Variants in ZCCHC7 observed in about 807,000 individuals in gnomAD.
ZCCHC7 encodes zinc finger CCHC-type containing 7.
In ZCCHC7, 35 loss-of-function variants were observed where a neutral mutation model predicts 52.0. The observed-to-expected ratio is 0.67, with a 90% CI of 0.51 to 0.89. The LOEUF (loss-of-function observed/expected upper bound fraction) is 0.89, where lower values mean the gene tolerates loss of function less well. Ranked by LOEUF, ZCCHC7 falls within the 40% of genes least tolerant of loss-of-function variation. The pLI is 0.00. For missense variants in ZCCHC7, 574 were observed against 649.1 expected (o/e 0.88, Z 1.26); for synonymous variants, 217 against 221.5 (o/e 0.98, Z 0.18).
intron 2 of ZCCHC7, among the ~76,000 whole-genome samples, chr9:37,129,958 G>T (rs2132703516): frequency 6.6e-6 from 1 of 152,296 alleles, no homozygotes; most frequent in East Asian, 1.9e-4. Context: ...TAAGTTTTAG[G>T]CCGAGAGCAG....
intron 5 of ZCCHC7, among the ~76,000 whole-genome samples, chr9:37,324,919 A>T (rs1039675965): frequency 1.2e-4 from 18 of 152,296 alleles, no homozygotes; most frequent in African/African-American, 4.3e-4. Context: ...GGGCTGTTTA[A>T]GATTGAGTGT....
At chr9:37,307,528 T>G (rs77462287) in intron 5 of ZCCHC7, among the ~76,000 whole-genome samples, 1,784 of 152,280 alleles carry the variant, frequency 0.012, 33 homozygotes, top group African/African-American at 0.041. Context: ...ACTTACCTAT[T>G]TTTTAAAATA....
At chr9:37,250,320 A>G (rs1476414824) in intron 2 of ZCCHC7, among the ~76,000 whole-genome samples, 5 of 82,724 alleles carry the variant, frequency 6.0e-5, no homozygotes, top group African/African-American at 9.5e-5. Context: ...TTTTTTTTTG[A>G]GATGGAGTTT....
intron 2 of ZCCHC7, among the ~76,000 whole-genome samples, chr9:37,196,834 A>T (rs969260128): frequency 4.6e-5 from 7 of 152,154 alleles, no homozygotes; most frequent in Non-Finnish European, 8.8e-5. Context: ...AATATCTAGG[A>T]TATTGTTTTA....
chr9:37,209,261 C>T (rs1481088881), intron 2 of ZCCHC7, among the ~76,000 whole-genome samples: 3 of 152,148 alleles, frequency 2.0e-5, no homozygotes, highest in East Asian at 3.9e-4. Flanking sequence ...AGGATGGTCT[C>T]GATCTCCTGA....
At chr9:37,172,407 T>TC (rs954553653) in intron 2 of ZCCHC7, among the ~76,000 whole-genome samples, 2 of 152,194 alleles carry the variant, frequency 1.3e-5, no homozygotes, top group African/African-American at 4.8e-5. Context: ...ACATTCACTT[T>TC]CCCCCCATTG....
At chr9:37,297,160 A>G (rs1046274783) in intron 2 of ZCCHC7, among the ~76,000 whole-genome samples, 5 of 152,172 alleles carry the variant, frequency 3.3e-5, no homozygotes, top group African/African-American at 1.2e-4. Flanking sequence ...CCCAAATAAT[A>G]TATACTTTTT....
chr9:37,267,630 C>T (rs1827177383), intron 2 of ZCCHC7, among the ~76,000 whole-genome samples: 2 of 144,438 alleles, frequency 1.4e-5, no homozygotes, highest in South Asian at 4.4e-4. Flanking sequence ...AGTGCCGTGG[C>T]ATGATCTCGG....
chr9:37,122,394 T>A (rs1842353761), intron 1 of ZCCHC7, among the ~76,000 whole-genome samples: 1 of 152,262 alleles, frequency 6.6e-6, no homozygotes, highest in South Asian at 2.1e-4. Context: ...TATTTTAAGA[T>A]GTTATATAGG....
Position 37,223,158 on chromosome 9 carries a change from A to T in ZCCHC7, c.611-79030A>T, listed in dbSNP as rs58545984. ...CCTGCTACGCAAGGAACAGTTTAAA[A>T]AAAAAAGTCTTAAATGTAATAGATA... On this transcript the variant is annotated intron_variant, in intron 2 of 8. Coordinates refer to ENST00000336755, the MANE Select transcript of ZCCHC7 (RefSeq NM_032226.3). 3.3e-3 allele frequency among the ~76,000 whole-genome samples: 495 copies of T among 152,274 alleles called. 1 individual carries two copies. Among genetic ancestry groups the T allele is most frequent in the African/African-American group, 0.011 (468 of 41,570 alleles).
intron 2 of ZCCHC7, among the ~76,000 whole-genome samples, chr9:37,139,540 C>T (rs1003782182): frequency 2.0e-5 from 3 of 151,938 alleles, no homozygotes; most frequent in Admixed American, 2.0e-4. Flanking sequence ...AAATGTATAG[C>T]TTTTATTTCT....
intron 2 of ZCCHC7, among the ~76,000 whole-genome samples, chr9:37,273,376 G>A (rs1031929965): frequency 2.6e-4 from 39 of 152,236 alleles, no homozygotes; most frequent in Middle Eastern, 3.4e-3. Context: ...GGTGGCGGGT[G>A]CCTGTAGTCC....
At chr9:37,341,433 T>A (rs888550105) in intron 6 of ZCCHC7, among the ~76,000 whole-genome samples, 3 of 152,198 alleles carry the variant, frequency 2.0e-5, no homozygotes, top group Non-Finnish European at 4.4e-5. Flanking sequence ...TTTACTGAAC[T>A]ACTACTATAT....
intron 2 of ZCCHC7, among the ~76,000 whole-genome samples, chr9:37,163,657 CTT>C (rs1461035823): frequency 6.6e-6 from 1 of 152,116 alleles, no homozygotes; most frequent in Admixed American, 6.5e-5. Context: ...TTAATAGTGT[CTT>C]TTGAAGAGCA....
chr9:37,130,769 T>G (rs542881300), intron 2 of ZCCHC7, among the ~76,000 whole-genome samples: 98 of 151,964 alleles, frequency 6.4e-4, no homozygotes, highest in African/African-American at 2.2e-3. Flanking sequence ...GTGCTGGGAT[T>G]ACAGGCGTGA....
chr9:37,335,771 A>G (rs1321290521), intron 6 of ZCCHC7, among the ~76,000 whole-genome samples: 3 of 152,118 alleles, frequency 2.0e-5, no homozygotes, highest in African/African-American at 7.2e-5. Flanking sequence ...CTCAGTTTTC[A>G]TTTTCTAATT....
intron 5 of ZCCHC7, among the ~76,000 whole-genome samples, chr9:37,309,326 G>A (rs1829485721): frequency 6.6e-6 from 1 of 152,070 alleles, no homozygotes; most frequent in East Asian, 1.9e-4. Context: ...ACATGCTTTA[G>A]GTCTGTCTTG....
At chr9:37,208,431 C>T in intron 2 of ZCCHC7, among the ~76,000 whole-genome samples, 2 of 152,156 alleles carry the variant, frequency 1.3e-5, no homozygotes, top group East Asian at 3.8e-4. Flanking sequence ...CTTCACCAAC[C>T]CTTTCTCACT....
At chr9:37,271,006 T>G (rs1202051586) in intron 2 of ZCCHC7, among the ~76,000 whole-genome samples, 5 of 152,118 alleles carry the variant, frequency 3.3e-5, no homozygotes, top group African/African-American at 4.8e-5. Flanking sequence ...AGGTTTTCCT[T>G]TAGAGAGAAG....
Sources: allele counts gnomAD v4.1 joint callset (sites outside exome capture counted in the v4.1 genomes callset), GRCh38; gene constraint gnomAD v4.1.1; transcripts MANE v1.5; gene names NCBI Gene and HGNC (gene_info 2026-07-23, HGNC 2026-07-21).